CREB5: variants seen among roughly 807,000 people sequenced by gnomAD.
The protein encoded by CREB5 is cyclic AMP-responsive element-binding protein 5.
In CREB5, 19 loss-of-function variants were observed where a neutral mutation model predicts 57.1. That is an observed-to-expected ratio of 0.33 (90% CI 0.23 to 0.49). The LOEUF is 0.49. Ranked by LOEUF, CREB5 falls within the 20% of genes least tolerant of loss-of-function variation. The probability of loss-of-function intolerance (pLI) is 0.99; values close to 1 mark genes in which losing one functional copy is unlikely to be tolerated. For missense variants in CREB5, 579 were observed against 671.6 expected (o/e 0.86, Z 1.52); for synonymous variants, 238 against 238.3 (o/e 1.00, Z 0.01).
At chr7:28,813,011 A>G (rs1330331114) in intron 9 of CREB5, among the ~76,000 whole-genome samples, 1 of 152,226 alleles carries the variant, frequency 6.6e-6, no homozygotes, top group Non-Finnish European at 1.5e-5. Context: ...CCCAGACTTC[A>G]TTTCCTAGTC....
intron 1 of CREB5, among the ~76,000 whole-genome samples, chr7:28,464,496 C>CATGTGTGT (rs1216305625): frequency 7.2e-6 from 1 of 139,576 alleles, no homozygotes; most frequent in Non-Finnish European, 1.5e-5. Flanking sequence ...TGGAAAGTTG[C>CATGTGTGT]GTGTGTGTGT....
intron 1 of CREB5, among the ~76,000 whole-genome samples, chr7:28,351,887 G>A (rs1456944188): frequency 1.3e-5 from 2 of 152,122 alleles, no homozygotes; most frequent in South Asian, 2.1e-4. Context: ...ATGAGTGAAA[G>A]GGACAAATGT....
chr7:28,411,989 G>A (rs927798465), upstream of CREB5, among the ~76,000 whole-genome samples: 1 of 152,212 alleles, frequency 6.6e-6, no homozygotes, highest in Non-Finnish European at 1.5e-5. Context: ...ACTGGAAAGT[G>A]TGATTAATGA....
At chr7:28,676,463 T>A (rs1221377026) in intron 5 of CREB5, among the ~76,000 whole-genome samples, 1 of 152,198 alleles carries the variant, frequency 6.6e-6, no homozygotes, top group East Asian at 1.9e-4. Context: ...ATGCAGCCCT[T>A]GATGACTCAC....
intron 4 of CREB5, among the ~76,000 whole-genome samples, chr7:28,522,872 T>C (rs923461214): frequency 6.6e-6 from 1 of 152,158 alleles, no homozygotes; most frequent in African/African-American, 2.4e-5. Context: ...ACCAAAGGCA[T>C]GTAACCCACC....
intron 4 of CREB5, among the ~76,000 whole-genome samples, chr7:28,551,847 C>T (rs4722811): frequency 6.0e-4 from 65 of 107,964 alleles, no homozygotes; most frequent in Admixed American, 4.5e-3. Flanking sequence ...CTTTCTTTTT[C>T]TTTCTTTCTT....
intron 1 of CREB5, among the ~76,000 whole-genome samples, chr7:28,445,249 C>A (rs1188891546): frequency 5.3e-5 from 8 of 152,156 alleles, no homozygotes; most frequent in Non-Finnish European, 1.2e-4. Flanking sequence ...TCAGGTATGT[C>A]TTTATTAGCA....
chr7:28,306,560 T>TTG (rs1554300942), intron 1 of CREB5, among the ~76,000 whole-genome samples: 10 of 91,498 alleles, frequency 1.1e-4, no homozygotes, highest in Non-Finnish European at 1.4e-4. Flanking sequence ...TTTTTGTTTT[T>TTG]TTTTTTTTTT....
chr7:28,351,535 G>A lies in CREB5; in HGVS notation c.-25+52094G>A, dbSNP rs567931483. Among the ~76,000 whole-genome samples, 26 of 152,238 alleles carry A rather than the reference G, an allele frequency of 1.7e-4. 1 individual carries two copies. The South Asian group carries it at 5.4e-3, about 32-fold the overall frequency. On this transcript the variant is annotated intron_variant, in intron 1 of 9. Coordinates refer to the CREB5 transcript ENST00000396299. ...TTCCTTTCTTCCCATCTATTAATGA[G>A]CATGAACTACATCCTGGCCTTTAAT...
At chr7:28,610,058 C>T (rs1480821934) in intron 5 of CREB5, among the ~76,000 whole-genome samples, 1 of 152,196 alleles carries the variant, frequency 6.6e-6, no homozygotes, top group Non-Finnish European at 1.5e-5. Context: ...CTTTTCTTTT[C>T]TGAAGAGCTT....
chr7:28,475,174 T>G (rs1791005203), intron 1 of CREB5, among the ~76,000 whole-genome samples: 1 of 151,244 alleles, frequency 6.6e-6, no homozygotes, highest in African/African-American at 2.4e-5. Context: ...GAGGCTGAAA[T>G]GACCAGATCA....
At chr7:28,583,534 T>G (rs1362715854) in intron 5 of CREB5, among the ~76,000 whole-genome samples, 1 of 152,170 alleles carries the variant, frequency 6.6e-6, no homozygotes, top group East Asian at 1.9e-4. Flanking sequence ...CAAAGGAAGT[T>G]GTATCATTTC....
At chr7:28,592,738 A>G (rs1264921178) in intron 5 of CREB5, among the ~76,000 whole-genome samples, 1 of 152,168 alleles carries the variant, frequency 6.6e-6, no homozygotes, top group Admixed American at 6.5e-5. Flanking sequence ...GGTCACCAAG[A>G]AGTGAGAGGC....
In CREB5 at chr7:28,459,184, G is replaced by A. The variant is rs570142747; in HGVS notation, c.4-28991G>A. On this transcript the variant is annotated intron_variant, in intron 1 of 10. Coordinates refer to ENST00000357727, the MANE Select transcript of CREB5 (RefSeq NM_182898.4). ...AACCTGAGTGGTTTGTGGTGGTCAC[G>A]CTCCTGTGTGTGTGTGCGGGGGAGT... Among the ~76,000 whole-genome samples, 310 of 152,204 alleles carry A rather than the reference G, an allele frequency of 2.0e-3. 2 individuals carry two copies. Among genetic ancestry groups the A allele is most frequent in the African/African-American group, 7.2e-3 (297 of 41,518 alleles).
At chr7:28,333,788 T>C (rs1193701057) in intron 1 of CREB5, among the ~76,000 whole-genome samples, 2 of 152,178 alleles carry the variant, frequency 1.3e-5, no homozygotes, top group East Asian at 3.9e-4. Flanking sequence ...TTTTAATCCA[T>C]TCATCTGCTG....
intron 1 of CREB5, among the ~76,000 whole-genome samples, chr7:28,303,762 A>G (rs1036015764): frequency 1.3e-5 from 2 of 152,214 alleles, no homozygotes; most frequent in African/African-American, 4.8e-5. Flanking sequence ...ATACATATTT[A>G]ACTTAATGTT....
At chr7:28,537,269 A>G (rs28561956) in intron 4 of CREB5, among the ~76,000 whole-genome samples, 91,642 of 151,854 alleles carry the variant, frequency 0.6, 27,828 homozygotes, top group South Asian at 0.71. Context: ...GCAAATTAAC[A>G]TATTTGTCAT....
chr7:28,796,836 G>C (rs1230868260), intron 7 of CREB5, among the ~76,000 whole-genome samples: 1 of 152,148 alleles, frequency 6.6e-6, no homozygotes, highest in Non-Finnish European at 1.5e-5. Flanking sequence ...ACTTCTCTAA[G>C]GACCTAGAGC....
chr7:28,735,857 T>G (rs1408736029), intron 7 of CREB5, among the ~76,000 whole-genome samples: 2 of 151,918 alleles, frequency 1.3e-5, no homozygotes, highest in Non-Finnish European at 2.9e-5. Flanking sequence ...CCTGCTGGAG[T>G]GCAGTGGTAG....
Sources: allele counts gnomAD v4.1 joint callset (sites outside exome capture counted in the v4.1 genomes callset), GRCh38; gene constraint gnomAD v4.1.1; transcripts MANE v1.5; gene names NCBI Gene and HGNC (gene_info 2026-07-23, HGNC 2026-07-21).